PTPRM: variants seen among roughly 807,000 people sequenced by gnomAD.
PTPRM encodes receptor-type tyrosine-protein phosphatase mu.
A neutral mutation model predicts 186.7 loss-of-function variants in PTPRM; 47 were observed. The observed-to-expected ratio is 0.25, with a 90% CI of 0.20 to 0.32. The LOEUF (loss-of-function observed/expected upper bound fraction) is 0.32. Ranked by LOEUF, PTPRM falls within the 10% of genes least tolerant of loss-of-function variation. The probability of loss-of-function intolerance (pLI) is 1.00; values close to 1 mark genes in which losing one functional copy is unlikely to be tolerated. For missense variants in PTPRM, 1,494 were observed against 1,865.0 expected, an observed-to-expected ratio of 0.80 and a Z score of 3.66; for synonymous variants, 668 against 674.9, an observed-to-expected ratio of 0.99 and a Z score of 0.16.
Position 8,387,060 on chromosome 18 carries a change from T to G in PTPRM, c.4045-12T>G, listed in dbSNP as rs664201. The G allele has an allele frequency of 0.74, 1,166,034 of 1,582,476 alleles. 431,261 individuals carry two copies. Among genetic ancestry groups the G allele is most frequent in the Admixed American group, 0.84 (50,056 of 59,666 alleles). ...TCTTTCCACTCCCCGATTGTTGCCTTGTTCTTCGTAGCCCCAAGATGGATA... is the reference window on the plus strand; with the variant it reads ...TCTTTCCACTCCCCGATTGTTGCCTGGTTCTTCGTAGCCCCAAGATGGATA... On this transcript the variant is annotated splice_polypyrimidine_tract_variant and intron_variant, in intron 30 of 32. Coordinates refer to ENST00000580170, the MANE Select transcript of PTPRM (RefSeq NM_001105244.2).
intron 4 of PTPRM, among the ~76,000 whole-genome samples, chr18:7,912,602 A>G (rs377359119): frequency 6.6e-6 from 1 of 151,712 alleles, no homozygotes; most frequent in Non-Finnish European, 1.5e-5. Context: ...AGCTCCGCCT[A>G]CCGGGTTCAT....
At chr18:8,110,715 C>T (rs1008083073) in intron 11 of PTPRM, among the ~76,000 whole-genome samples, 4 of 152,118 alleles carry the variant, frequency 2.6e-5, no homozygotes, top group African/African-American at 9.7e-5. Context: ...TCTGTACATA[C>T]CTTGATTCCT....
At chr18:8,100,344 T>A (rs2091237170) in intron 11 of PTPRM, among the ~76,000 whole-genome samples, 1 of 152,158 alleles carries the variant, frequency 6.6e-6, no homozygotes, top group African/African-American at 2.4e-5. Flanking sequence ...TTTTGCTATG[T>A]TGGCCAAGCT....
chr18:8,174,883 G>A (rs1479890341), intron 14 of PTPRM, among the ~76,000 whole-genome samples: 1 of 152,314 alleles, frequency 6.6e-6, no homozygotes, highest in East Asian at 1.9e-4. Context: ...CATGGTCCAC[G>A]CATTTGTCTC....
At chr18:8,056,858 AC>A in intron 7 of PTPRM, among the ~76,000 whole-genome samples, 1 of 152,024 alleles carries the variant, frequency 6.6e-6, no homozygotes, top group South Asian at 2.1e-4. Context: ...CAGCAGTCTT[AC>A]TTTTAACATG....
rs190607246 is a variant in PTPRM, at chr18:7,750,326, G to T, written c.74-23823G>T. On this transcript the variant is annotated intron_variant, in intron 1 of 32. Transcript: ENST00000580170. ...CTAAGCCTCTTAGTAAAACAAGCTC[G>T]TTAAAGACTGTTTTATAACATCTTT... 2.3e-3 allele frequency among the ~76,000 whole-genome samples: 350 copies of T among 152,208 alleles called. 2 individuals carry two copies. Among genetic ancestry groups the T allele is most frequent in the African/African-American group, 8.3e-3 (343 of 41,546 alleles).
chr18:8,128,580 A>T (rs1050651276), intron 13 of PTPRM, among the ~76,000 whole-genome samples: 2 of 151,930 alleles, frequency 1.3e-5, no homozygotes, highest in Admixed American at 6.6e-5. Flanking sequence ...TTGTTCTTTT[A>T]TGTGTTATAT....
chr18:8,137,023 T>A (rs2092653743), intron 13 of PTPRM, among the ~76,000 whole-genome samples: 1 of 152,210 alleles, frequency 6.6e-6, no homozygotes, highest in Non-Finnish European at 1.5e-5. Context: ...GAATTTAAAT[T>A]TTAGATTATC....
intron 2 of PTPRM, among the ~76,000 whole-genome samples, chr18:7,799,441 G>A (rs1016037663): frequency 6.6e-6 from 1 of 152,130 alleles, no homozygotes; most frequent in African/African-American, 2.4e-5. Flanking sequence ...GAACCTTAAA[G>A]GGAACTTGTC....
chr18:7,954,969 A>G (rs572270507), intron 6 of PTPRM, 152 bp from the exon 7 acceptor site: 1 of 727,646 alleles, frequency 1.4e-6, no homozygotes, highest in East Asian at 2.7e-5. Flanking sequence ...CTTTTTCAAC[A>G]TACTTTTTCT....
At position 8,372,056 on chromosome 18, in the gene PTPRM, CTTTTTTTTTT is replaced by C. The variant is rs557766971; in HGVS notation, c.3171+1067_3171+1076del. 1.3e-3 allele frequency among the ~76,000 whole-genome samples: 79 copies of C among 59,068 alleles called. 3 individuals carry two copies. Among genetic ancestry groups the C allele is most frequent in the African/African-American group, 3.5e-3 (68 of 19,302 alleles). 38.8% of individuals were successfully genotyped at this position (59,068 alleles called of 152,430 possible). A position where few individuals can be genotyped will look rare whatever the true frequency, so the allele number is the denominator to read the frequency against. On this transcript the variant is annotated intron_variant, in intron 24 of 32. Transcript: ENST00000580170. Reference sequence around the variant, plus strand: ...TTGGCCTTCCTCTCCACTCTATATTCTTTTTTTTTTTTTTTTTTTTTTTTTTAAGACGGAG... The same window carrying C: ...TTGGCCTTCCTCTCCACTCTATATTCTTTTTTTTTTTTTTTTAAGACGGAG...
At position 8,379,167 on chromosome 18, in the gene PTPRM, A is replaced by G; in HGVS notation, c.3613A>G (p.Thr1205Ala). Residue 1205 changes from threonine (T) to alanine (A), a missense_variant and splice_region_variant, in exon 28 of 33, where the codon ACG becomes GCG. Physicochemically the swap from Thr to Ala is moderately conservative, Grantham distance 58. Transcript: ENST00000580170. ...CATGTTCCTTTCTTTTCTCACGCAG[A>G]CGCTAAACATGGTGACACCAACGCT... ...NSSQIKEEFRTLNMVTPTLRV... is the reference protein window; with the variant it reads ...NSSQIKEEFRALNMVTPTLRV... The G allele has an allele frequency of 6.3e-7, 1 of 1,588,990 alleles. No individual in the cohort carries two copies. Among genetic ancestry groups the G allele is most frequent in the Non-Finnish European group, 8.6e-7 (1 of 1,166,038 alleles).
At chr18:7,785,884 G>A (rs1301985719) in intron 2 of PTPRM, among the ~76,000 whole-genome samples, 1 of 152,204 alleles carries the variant, frequency 6.6e-6, no homozygotes, top group African/African-American at 2.4e-5. Context: ...CTCAGTGGGT[G>A]TCTCAAATAT....
At chr18:8,001,667 T>C (rs940232183) in intron 7 of PTPRM, among the ~76,000 whole-genome samples, 2 of 152,164 alleles carry the variant, frequency 1.3e-5, no homozygotes, top group African/African-American at 2.4e-5. Context: ...TAGTTAAGTC[T>C]GTATGGCTCC....
chr18:7,707,280 A>T (rs2040114484), intron 1 of PTPRM, among the ~76,000 whole-genome samples: 2 of 152,134 alleles, frequency 1.3e-5, no homozygotes, highest in African/African-American at 4.8e-5. Flanking sequence ...ATGGAAGTTT[A>T]CTCTGGGTCT....
chr18:8,274,154 C>T (rs2094806468), intron 19 of PTPRM, among the ~76,000 whole-genome samples: 1 of 152,032 alleles, frequency 6.6e-6, no homozygotes, highest in Non-Finnish European at 1.5e-5. Flanking sequence ...GAGTTTTCAG[C>T]GGTTTATGCT....
chr18:8,252,539 G>A (rs777369594), intron 18 of PTPRM, 40 bp downstream of exon 18: 5 of 1,527,660 alleles, frequency 3.3e-6, no homozygotes, highest in Non-Finnish European at 4.5e-6. Flanking sequence ...GTTGTGGAGG[G>A]AGTGGGAGTG....
intron 7 of PTPRM, among the ~76,000 whole-genome samples, chr18:8,039,137 A>C (rs2086535286): frequency 6.6e-6 from 1 of 152,302 alleles, no homozygotes; most frequent in South Asian, 2.1e-4. Context: ...CCAGCCTTTG[A>C]AAGTTAATAA....
At chr18:8,075,386 A>C (rs1271459431) in intron 8 of PTPRM, among the ~76,000 whole-genome samples, 1 of 152,046 alleles carries the variant, frequency 6.6e-6, no homozygotes, top group Non-Finnish European at 1.5e-5. Flanking sequence ...GTTCTCTCCG[A>C]CTGCTTATTG....
Sources: gnomAD v4.1 joint callset for allele counts (sites outside exome capture counted in the v4.1 genomes callset) on GRCh38, gnomAD v4.1.1 for gene constraint, MANE v1.5 for transcripts, NCBI Gene and HGNC (gene_info 2026-07-23, HGNC 2026-07-21) for gene names.